The following NALF1 variants were observed in gnomAD, a reference collection of about 807,000 sequenced individuals.
The protein encoded by NALF1 is family with sequence similarity 155 member A.
NALF1 carries 3 observed loss-of-function variants against 48.4 expected under a neutral mutation model. The observed-to-expected ratio is 0.06, with a 90% CI of 0.03 to 0.16. The LOEUF (loss-of-function observed/expected upper bound fraction) is 0.16. NALF1 is among the 10% of genes least tolerant of loss of function. The pLI, the probability that NALF1 is intolerant of heterozygous loss-of-function variation, is 1.00. For missense variants in NALF1, 526 were observed against 571.5 expected, an observed-to-expected ratio of 0.92 and a Z score of 0.81; for synonymous variants, 262 against 245.7, an observed-to-expected ratio of 1.07 and a Z score of -0.62.
chr13:107,354,666 G>T (rs1882931396), intron 1 of NALF1, among the ~76,000 whole-genome samples: 2 of 152,044 alleles, frequency 1.3e-5, no homozygotes, highest in Non-Finnish European at 2.9e-5. Context: ...TCAAGAATAA[G>T]TACTTTTTTA....
chr13:107,289,686 C>T (rs1881575541), intron 1 of NALF1, among the ~76,000 whole-genome samples: 1 of 152,116 alleles, frequency 6.6e-6, no homozygotes, highest in Non-Finnish European at 1.5e-5. Context: ...CACATGAAAT[C>T]CACGAGTCTC....
At chr13:107,764,557 G>C (rs1206991312) in intron 1 of NALF1, among the ~76,000 whole-genome samples, 3 of 152,000 alleles carry the variant, frequency 2.0e-5, no homozygotes, top group Admixed American at 2.0e-4. Context: ...GTGACACTAA[G>C]GTAAGACAAA....
rs1377765283 is a variant in NALF1, at chr13:107,165,758, C to T, written c.*4739G>A. On this transcript the variant is annotated 3_prime_UTR_variant, in exon 3 of 3. Coordinates refer to ENST00000375915, the MANE Select transcript of NALF1 (RefSeq NM_001080396.3). Reference sequence around the variant, plus strand: ...TTTATTCATTGTCACCCAATACCTACCTGCTATATTAGGTTTTTTATAAAC... The same window carrying T: ...TTTATTCATTGTCACCCAATACCTATCTGCTATATTAGGTTTTTTATAAAC... The T allele has an allele frequency of 6.6e-6, 1 of 152,118 alleles. No homozygotes were observed. Among genetic ancestry groups the T allele is most frequent in the Non-Finnish European group, 1.5e-5 (1 of 68,030 alleles). 9.4% of individuals were successfully genotyped at this position (152,118 alleles called of 1,614,324 possible).
At chr13:107,690,881 T>C (rs751115871) in intron 1 of NALF1, among the ~76,000 whole-genome samples, 1 of 152,334 alleles carries the variant, frequency 6.6e-6, no homozygotes, top group Admixed American at 6.5e-5. Flanking sequence ...AGTTCACCCA[T>C]GCATTCTTAC....
rs528329678 is a variant in NALF1, at chr13:107,662,696, A to G, written c.915+202986T>C. Reference sequence around the variant, plus strand: ...TTATAATTTTAAAGATTCAAAAAACAAAAAATGTTAGCAAATTAACAGTAA... The same window carrying G: ...TTATAATTTTAAAGATTCAAAAAACGAAAAATGTTAGCAAATTAACAGTAA... On this transcript the variant is annotated intron_variant, in intron 1 of 2. Transcript: ENST00000375915. Among the ~76,000 whole-genome samples, 5 of 152,212 alleles carry G rather than the reference A, an allele frequency of 3.3e-5. No homozygotes were observed. In the South Asian group the frequency reaches 1.0e-3, roughly 31 times the overall value.
intron 1 of NALF1, among the ~76,000 whole-genome samples, chr13:107,368,398 C>T (rs1883189511): frequency 6.6e-6 from 1 of 150,428 alleles, no homozygotes; most frequent in Non-Finnish European, 1.5e-5. Context: ...CTCACTAAAA[C>T]CTCCTGCCTC....
chr13:107,433,536 T>C (rs913874862), intron 1 of NALF1, among the ~76,000 whole-genome samples: 1 of 152,122 alleles, frequency 6.6e-6, no homozygotes, highest in Non-Finnish European at 1.5e-5. Context: ...ACTTCTAACC[T>C]GCACATTGTG....
chr13:107,518,541 T>C (rs1399936874), intron 1 of NALF1, among the ~76,000 whole-genome samples: 1 of 152,070 alleles, frequency 6.6e-6, no homozygotes, highest in Non-Finnish European at 1.5e-5. Flanking sequence ...TTGGTTGTGT[T>C]ATGTGTCAGT....
chr13:107,286,384 G>A (rs1008287403), intron 1 of NALF1, among the ~76,000 whole-genome samples: 15 of 151,856 alleles, frequency 9.9e-5, no homozygotes, highest in East Asian at 1.9e-4. Context: ...CCGTAGCTCC[G>A]GCACTTTGGG....
intron 2 of NALF1, among the ~76,000 whole-genome samples, chr13:107,197,650 T>C (rs1293004273): frequency 2.6e-5 from 4 of 152,194 alleles, no homozygotes; most frequent in Non-Finnish European, 5.9e-5. Flanking sequence ...GTAAACAACA[T>C]GGCACTCACC....
chr13:107,170,359 C>A lies in NALF1; in HGVS notation c.*138G>T. ...GTTGTGTCCTTGTTTGGATTCAGGC[C>A]CATCTGTTTAAATTTTACCCTAAAG... On this transcript the variant is annotated 3_prime_UTR_variant, in exon 3 of 3. Transcript: ENST00000375915. 1.4e-6 allele frequency: 1 copy of A among 727,916 alleles called. No individual in the cohort carries two copies. The highest frequency in any genetic ancestry group is 2.2e-6 in the Non-Finnish European group (1 of 454,564). 45.1% of individuals were successfully genotyped at this position (727,916 alleles called of 1,614,324 possible). A position where few individuals can be genotyped will look rare whatever the true frequency, so the allele number is the denominator to read the frequency against.
intron 2 of NALF1, among the ~76,000 whole-genome samples, chr13:107,195,903 G>A (rs1181028772): frequency 1.3e-5 from 2 of 152,084 alleles, no homozygotes; most frequent in African/African-American, 4.8e-5. Context: ...TAACAGCAGG[G>A]AAATCATCAA....
At chr13:107,368,800 TG>T (rs1171592252) in intron 1 of NALF1, among the ~76,000 whole-genome samples, 1 of 152,238 alleles carries the variant, frequency 6.6e-6, no homozygotes, top group Non-Finnish European at 1.5e-5. Flanking sequence ...AACAGGTTCT[TG>T]GAATTGGCCT....
intron 1 of NALF1, among the ~76,000 whole-genome samples, chr13:107,265,857 A>C (rs1442251424): frequency 6.6e-6 from 1 of 152,200 alleles, no homozygotes; most frequent in Non-Finnish European, 1.5e-5. Flanking sequence ...AACATAGACT[A>C]AATAAAAAGT....
intron 1 of NALF1, among the ~76,000 whole-genome samples, chr13:107,634,770 G>T (rs1432783725): frequency 3.3e-5 from 5 of 152,104 alleles, no homozygotes; most frequent in African/African-American, 1.2e-4. Flanking sequence ...CTCTCATCAA[G>T]AAGGAAGACA....
At chr13:107,480,146 C>G (rs1885232719) in intron 1 of NALF1, among the ~76,000 whole-genome samples, 1 of 152,140 alleles carries the variant, frequency 6.6e-6, no homozygotes, top group African/African-American at 2.4e-5. Context: ...TTATTAAAAT[C>G]TAACATTTTT....
chr13:107,498,050 T>G (rs1875396029), intron 1 of NALF1, among the ~76,000 whole-genome samples: 1 of 152,136 alleles, frequency 6.6e-6, no homozygotes, highest in African/African-American at 2.4e-5. Flanking sequence ...GCTAATAACG[T>G]GATATTTTAT....
chr13:107,504,639 TA>T (rs1342546710), intron 1 of NALF1, among the ~76,000 whole-genome samples: 236 of 152,240 alleles, frequency 1.6e-3, no homozygotes, highest in Non-Finnish European at 7.6e-4. Flanking sequence ...AAGGCCCCCC[TA>T]AATATGACCT....
intron 1 of NALF1, among the ~76,000 whole-genome samples, chr13:107,246,925 T>C (rs1880597782): frequency 6.6e-6 from 1 of 152,172 alleles, no homozygotes; most frequent in South Asian, 2.1e-4. Flanking sequence ...CTATCACAGT[T>C]GGGTCACACG....
Sources: gnomAD v4.1 joint callset for allele counts (sites outside exome capture counted in the v4.1 genomes callset) on GRCh38, gnomAD v4.1.1 for gene constraint, MANE v1.5 for transcripts, NCBI Gene and HGNC (gene_info 2026-07-23, HGNC 2026-07-21) for gene names.